The following ADAMTSL1 variants were observed in gnomAD, a reference collection of about 807,000 sequenced individuals.
The protein encoded by ADAMTSL1 is ADAMTS like 1.
ADAMTSL1 carries 126 observed loss-of-function variants against 201.8 expected under a neutral mutation model. That is an observed-to-expected ratio of 0.62 (90% CI 0.54 to 0.72). ADAMTSL1 has a LOEUF of 0.72. Ranked by LOEUF, ADAMTSL1 falls within the 30% of genes least tolerant of loss-of-function variation. The probability of loss-of-function intolerance (pLI) is 0.00; values close to 1 mark genes in which losing one functional copy is unlikely to be tolerated. For missense variants in ADAMTSL1, 2,679 were observed against 2,277.8 expected (o/e 1.18, Z -3.59); for synonymous variants, 1,121 against 903.4 (o/e 1.24, Z -4.32).
intron 1 of ADAMTSL1, among the ~76,000 whole-genome samples, chr9:18,155,621 ATTC>A (rs1034670186): frequency 2.0e-5 from 3 of 152,022 alleles, no homozygotes; most frequent in Non-Finnish European, 4.4e-5. Flanking sequence ...CCTCAAGACA[ATTC>A]TTCTTCCATG....
intron 4 of ADAMTSL1, among the ~76,000 whole-genome samples, chr9:18,585,774 T>G (rs1823447653): frequency 6.6e-6 from 1 of 152,218 alleles, no homozygotes; most frequent in African/African-American, 2.4e-5. Flanking sequence ...CTAGGCTTTA[T>G]CCCAGAGATG....
chr9:18,173,041 A>G (rs999229053), intron 2 of ADAMTSL1, among the ~76,000 whole-genome samples: 9 of 152,254 alleles, frequency 5.9e-5, no homozygotes, highest in African/African-American at 1.4e-4. Context: ...AGCCCTATCT[A>G]TAATGTGTTA....
chr9:18,523,597 C>G (rs1818842006), intron 2 of ADAMTSL1, among the ~76,000 whole-genome samples: 1 of 151,594 alleles, frequency 6.6e-6, no homozygotes, highest in Non-Finnish European at 1.5e-5. Flanking sequence ...AGTCTTTAAT[C>G]CATCTTGAAT....
rs75923088 is a variant in ADAMTSL1, at chr9:18,397,905, T to C, written c.208-106924T>C. ...AAGCCTCTCTGGATTCAACTTGATG[T>C]TTTCTCCCAGCCTCCATAAAGATGG... On this transcript the variant is annotated intron_variant, in intron 2 of 29. Transcript: ENST00000680146. 4.6e-3 allele frequency among the ~76,000 whole-genome samples: 703 copies of C among 152,234 alleles called. 2 individuals are homozygous for C. Among genetic ancestry groups the C allele is most frequent in the Middle Eastern group, 0.014 (4 of 294 alleles).
At chr9:18,485,680 G>A (rs1237900216) in intron 1 of ADAMTSL1, among the ~76,000 whole-genome samples, 10 of 152,216 alleles carry the variant, frequency 6.6e-5, no homozygotes, top group Non-Finnish European at 1.3e-4. Context: ...AGAGGGACTT[G>A]CACGGCAAAG....
At chr9:18,872,321 T>TA (rs1827914979) in intron 23 of ADAMTSL1, among the ~76,000 whole-genome samples, 2 of 152,186 alleles carry the variant, frequency 1.3e-5, no homozygotes, top group African/African-American at 4.8e-5. Context: ...TTGGGATTAT[T>TA]AGAAATTACC....
intron 9 of ADAMTSL1, among the ~76,000 whole-genome samples, chr9:18,664,812 G>A (rs149701794): frequency 0.011 from 1,601 of 152,068 alleles, 17 homozygotes; most frequent in African/African-American, 0.036. Context: ...CTCACCCACC[G>A]AATGGGAAGA....
intron 2 of ADAMTSL1, among the ~76,000 whole-genome samples, chr9:18,404,985 A>C (rs141757782): frequency 4.6e-4 from 70 of 152,152 alleles, no homozygotes; most frequent in African/African-American, 1.7e-3. Flanking sequence ...AGTCTGGCCA[A>C]CAACTTTCTT....
At chr9:18,290,804 C>G (rs1284528709) in intron 2 of ADAMTSL1, among the ~76,000 whole-genome samples, 3 of 122,204 alleles carry the variant, frequency 2.5e-5, no homozygotes, top group East Asian at 2.2e-4. Flanking sequence ...TTTTTTGAGG[C>G]AGAGTCTCGC....
intron 1 of ADAMTSL1, among the ~76,000 whole-genome samples, chr9:17,940,936 A>T (rs2131346562): frequency 6.6e-6 from 1 of 151,358 alleles, no homozygotes. Flanking sequence ...CATTACTCTT[A>T]TTTCTCTCAG....
intron 2 of ADAMTSL1, among the ~76,000 whole-genome samples, chr9:18,266,951 A>G (rs1832141590): frequency 6.6e-6 from 1 of 152,126 alleles, no homozygotes. Flanking sequence ...TAACCTCTTC[A>G]GTTTCTCACC....
chr9:18,594,650 G>A (rs1311233343), intron 4 of ADAMTSL1, among the ~76,000 whole-genome samples: 2 of 151,982 alleles, frequency 1.3e-5, no homozygotes, highest in Non-Finnish European at 2.9e-5. Flanking sequence ...TCAGCTCCAA[G>A]GTTGATTTTT....
intron 4 of ADAMTSL1, among the ~76,000 whole-genome samples, chr9:18,593,672 C>T (rs1374875854): frequency 6.6e-6 from 1 of 152,068 alleles, no homozygotes. Context: ...ACCCACTGGT[C>T]ATTCAGGAGC....
chr9:18,379,438 C>G (rs979978188), intron 2 of ADAMTSL1, among the ~76,000 whole-genome samples: 1 of 152,188 alleles, frequency 6.6e-6, no homozygotes, highest in African/African-American at 2.4e-5. Flanking sequence ...TCCCACCTTA[C>G]AAAATCCACT....
chr9:18,840,552 G>C (rs1825650747), intron 23 of ADAMTSL1, among the ~76,000 whole-genome samples: 1 of 152,134 alleles, frequency 6.6e-6, no homozygotes, highest in Non-Finnish European at 1.5e-5. Context: ...CTTTAAAGTA[G>C]TTTTTTCCAA....
intron 2 of ADAMTSL1, among the ~76,000 whole-genome samples, chr9:18,526,787 T>A (rs548241618): frequency 6.6e-6 from 1 of 152,286 alleles, no homozygotes; most frequent in African/African-American, 2.4e-5. Flanking sequence ...TCATTTGATG[T>A]GACAGGAGAA....
chr9:18,698,018 A>T (rs1831665479), intron 13 of ADAMTSL1, among the ~76,000 whole-genome samples: 2 of 152,250 alleles, frequency 1.3e-5, no homozygotes, highest in African/African-American at 4.8e-5. Context: ...TAATAATAAT[A>T]GTTTTATCTG....
chr9:18,391,247 A>G (rs542194614), intron 2 of ADAMTSL1, among the ~76,000 whole-genome samples: 10 of 152,224 alleles, frequency 6.6e-5, no homozygotes, highest in South Asian at 4.2e-4. Context: ...TTTAAAATCT[A>G]CTTTCTTGGC....
At chr9:18,192,727 A>C (rs902576874) in intron 2 of ADAMTSL1, among the ~76,000 whole-genome samples, 31 of 152,288 alleles carry the variant, frequency 2.0e-4, no homozygotes, top group African/African-American at 7.5e-4. Flanking sequence ...GTTTATAAGA[A>C]GAATTAATAC....
Sources: allele counts gnomAD v4.1 joint callset (sites outside exome capture counted in the v4.1 genomes callset), GRCh38; gene constraint gnomAD v4.1.1; transcripts MANE v1.5; gene names NCBI Gene and HGNC (gene_info 2026-07-23, HGNC 2026-07-21).